Variants in PUM2 observed in about 807,000 individuals in gnomAD.
PUM2 encodes pumilio RNA binding family member 2, also known as pumilio homolog 2.
In PUM2, 57 loss-of-function variants were observed where a neutral mutation model predicts 124.5. The ratio of observed to expected loss-of-function variants is 0.46; its 90% CI spans 0.37 to 0.57. PUM2 has a LOEUF of 0.57. PUM2 is among the 20% of genes least tolerant of loss of function. The probability of loss-of-function intolerance (pLI) is 0.00; values close to 1 mark genes in which losing one functional copy is unlikely to be tolerated. For missense variants in PUM2, 1,065 were observed against 1,290.6 expected (o/e 0.83, Z 2.68); for synonymous variants, 460 against 446.1 (o/e 1.03, Z -0.39).
intron 13 of PUM2, among the ~76,000 whole-genome samples, chr2:20,265,928 GA>G (rs1014429353): frequency 3.3e-5 from 5 of 152,164 alleles, no homozygotes; most frequent in African/African-American, 1.2e-4. Flanking sequence ...CCCAGGAAAT[GA>G]AGAAGCCGGT....
chr2:20,318,469 A>C, intron 3 of PUM2, 68 bp downstream of exon 3: 1 of 1,378,198 alleles, frequency 7.3e-7, no homozygotes, highest in Non-Finnish European at 1.0e-6. Context: ...CTCTAAAAAA[A>C]AAGGTGCATT....
Position 20,265,065 on chromosome 2 carries a change from T to C in PUM2, c.1958-1605A>G, listed in dbSNP as rs138921814. Among the ~76,000 whole-genome samples, 31 of 152,080 alleles carry C rather than the reference T, an allele frequency of 2.0e-4. 1 individual carries two copies. In the East Asian group the frequency reaches 5.8e-3, roughly 28 times the overall value. ...AATGTCTAGACCAGCCTGACCAACA[T>C]GGTGAAATCCCACCTCTACTAAAAA... On this transcript the variant is annotated intron_variant, in intron 13 of 20. Transcript: ENST00000361078.
At chr2:20,345,088 T>C (rs969787160) in intron 1 of PUM2, among the ~76,000 whole-genome samples, 3 of 149,446 alleles carry the variant, frequency 2.0e-5, no homozygotes, top group Non-Finnish European at 3.0e-5. Context: ...AGCACTTTTT[T>C]CTTTTTTTTT....
chr2:20,297,836 C>G (rs1028678112), intron 7 of PUM2, among the ~76,000 whole-genome samples, 158 bp from the exon 8 acceptor site: 1 of 152,118 alleles, frequency 6.6e-6, no homozygotes, highest in Non-Finnish European at 1.5e-5. Context: ...TGGGCATGTA[C>G]CGCTAACTCT....
At chr2:20,345,595 G>A (rs1385314529) in intron 1 of PUM2, among the ~76,000 whole-genome samples, 1 of 152,054 alleles carries the variant, frequency 6.6e-6, no homozygotes, top group Admixed American at 6.6e-5. Context: ...TGTGTGGGGC[G>A]AGGCACAGTG....
upstream of PUM2, chr2:20,350,865 G>C (rs1374549015): frequency 1.1e-6 from 1 of 889,360 alleles, no homozygotes; most frequent in Non-Finnish European, 1.3e-6. Context: ...CACCGGGCGC[G>C]CGCAGTGCAC....
chr2:20,340,900 C>T (rs1687092591), intron 1 of PUM2, among the ~76,000 whole-genome samples: 1 of 152,174 alleles, frequency 6.6e-6, no homozygotes, highest in Admixed American at 6.5e-5. Flanking sequence ...AACAACAATG[C>T]CTCCCTCATA....
chr2:20,274,971 A>AAAAAAAAAAAAAAAAAAAAAC, intron 13 of PUM2, among the ~76,000 whole-genome samples: 1 of 146,986 alleles, frequency 6.8e-6, no homozygotes, highest in African/African-American at 2.5e-5. Flanking sequence ...AAAAAAAAAA[A>AAAAAAAAAAAAAAAAAAAAAC]AAAGATGCTT....
chr2:20,289,706 A>C (rs1292488399), intron 10 of PUM2, among the ~76,000 whole-genome samples: 1 of 152,244 alleles, frequency 6.6e-6, no homozygotes, highest in African/African-American at 2.4e-5. Flanking sequence ...GAAATCCTTC[A>C]AACAACAAAC....
chr2:20,306,750 G>C (rs1006689678), intron 7 of PUM2, among the ~76,000 whole-genome samples: 1 of 151,650 alleles, frequency 6.6e-6, no homozygotes, highest in Non-Finnish European at 1.5e-5. Flanking sequence ...CGGGATTACA[G>C]ACCCCCACTG....
chr2:20,336,384 C>T (rs1216330133), intron 1 of PUM2, among the ~76,000 whole-genome samples: 1 of 152,018 alleles, frequency 6.6e-6, no homozygotes, highest in Non-Finnish European at 1.5e-5. Flanking sequence ...AGGGTTTTGC[C>T]ATGTTGCCCA....
intron 1 of PUM2, among the ~76,000 whole-genome samples, chr2:20,341,783 T>C (rs1687272176): frequency 1.3e-5 from 2 of 152,208 alleles, no homozygotes. Context: ...TTTTCAATTG[T>C]TACATGCTAT....
In PUM2 at chr2:20,265,093, C is replaced by CA. The variant is rs1007742665; in HGVS notation, c.1958-1634dup. On this transcript the variant is annotated intron_variant, in intron 13 of 20. Coordinates refer to ENST00000361078, the MANE Select transcript of PUM2 (RefSeq NM_015317.5). The stretch of plus-strand genomic sequence containing the variant: ...TGAAATCCCACCTCTACTAAAAATA[C>CA]AAAAAAAAATTAGCTGGGCGCGGTG... Among the ~76,000 whole-genome samples the CA allele has an allele frequency of 2.2e-4, 33 of 150,846 alleles. 2 individuals carry two copies. Among genetic ancestry groups the CA allele is most frequent in the African/African-American group, 7.0e-4 (29 of 41,194 alleles).
chr2:20,251,582 A>C lies in PUM2; in HGVS notation c.*3T>G. ...ATTATCTTCTTTCTCTTGCTCCTGT[A>C]ATTTACAGCATTCCATTTGGTGGTC... is the stretch of plus-strand genomic sequence containing the variant. On this transcript the variant is annotated 3_prime_UTR_variant, in exon 21 of 21. Coordinates refer to ENST00000361078, the MANE Select transcript of PUM2 (RefSeq NM_015317.5). The C allele has an allele frequency of 6.2e-7, 1 of 1,609,978 alleles. No individual in the cohort carries two copies.
upstream of PUM2, chr2:20,350,925 A>C: frequency 2.7e-5 from 9 of 337,892 alleles, no homozygotes; most frequent in Non-Finnish European, 3.4e-5. Flanking sequence ...GCTCCTTTTA[A>C]TGCCTTGCGT....
At chr2:20,267,583 T>A (rs574133177) in intron 13 of PUM2, among the ~76,000 whole-genome samples, 10 of 152,368 alleles carry the variant, frequency 6.6e-5, no homozygotes, top group African/African-American at 2.4e-4. Flanking sequence ...CCAAAAGTAT[T>A]AAAAGAGATA....
chr2:20,311,384 T>C, intron 5 of PUM2, 110 bp downstream of exon 5: 1 of 1,259,272 alleles, frequency 7.9e-7, no homozygotes, highest in Non-Finnish European at 1.1e-6. Context: ...TAACACAAAG[T>C]TCAAAGGAAA....
At chr2:20,273,086 G>A (rs10164749) in intron 13 of PUM2, among the ~76,000 whole-genome samples, 133,909 of 152,228 alleles carry the variant, frequency 0.88, 58,986 homozygotes, top group East Asian at 1. Context: ...AGCATGGTGG[G>A]ATGGTGTAAA....
intron 1 of PUM2, among the ~76,000 whole-genome samples, chr2:20,342,968 T>C (rs1687510216): frequency 6.6e-6 from 1 of 152,166 alleles, no homozygotes; most frequent in African/African-American, 2.4e-5. Context: ...TTAAATCATA[T>C]ATATATTTAT....
Sources: gnomAD v4.1 joint callset for allele counts (sites outside exome capture counted in the v4.1 genomes callset) on GRCh38, gnomAD v4.1.1 for gene constraint, MANE v1.5 for transcripts, NCBI Gene and HGNC (gene_info 2026-07-23, HGNC 2026-07-21) for gene names.